CRISPLD1: variants seen among roughly 807,000 people sequenced by gnomAD.
The protein encoded by CRISPLD1 is cysteine rich secretory protein LCCL domain containing 1.
Under a neutral mutation model 77.5 loss-of-function variants are expected in CRISPLD1, and 60 were observed. That is an observed-to-expected ratio of 0.77 (90% CI 0.63 to 0.96). CRISPLD1 has a LOEUF of 0.96. Among genes scored for constraint, CRISPLD1 ranks in the 40% least tolerant of loss-of-function variants. CRISPLD1 has a pLI of 0.00. For synonymous variants in CRISPLD1, 195 were observed against 200.1 expected (o/e 0.97, Z 0.22); for missense variants, 623 against 615.8 (o/e 1.01, Z -0.12).
intron 2 of CRISPLD1, among the ~76,000 whole-genome samples, chr8:74,996,401 A>G (rs1367533112): frequency 6.6e-6 from 1 of 152,176 alleles, no homozygotes; most frequent in Non-Finnish European, 1.5e-5. Context: ...ATGCTGAGGA[A>G]TGCATTAGTG....
chr8:75,029,913 C>A (rs189279865), intron 14 of CRISPLD1, among the ~76,000 whole-genome samples: 120 of 152,214 alleles, frequency 7.9e-4, no homozygotes, highest in African/African-American at 2.8e-3. Flanking sequence ...TTGACAAAAA[C>A]AATGTCTGAT....
Position 74,985,953 on chromosome 8 carries a change from G to C in CRISPLD1, c.-35G>C. 1 of 1,590,090 alleles carries C rather than the reference G, an allele frequency of 6.3e-7. No individual in the cohort carries two copies. The highest frequency in any genetic ancestry group is 1.1e-5 in the South Asian group (1 of 88,636). On this transcript the variant is annotated 5_prime_UTR_variant, in exon 2 of 15. Transcript: ENST00000262207. ...AAAAGGAGTGGAAGAGCCTGTCTTG[G>C]AGATTTTCCTGGGGAAATCCTGAGG... is the stretch of plus-strand genomic sequence containing the variant.
At chr8:75,020,683 G>C (rs902903568) in intron 12 of CRISPLD1, among the ~76,000 whole-genome samples, 1 of 152,160 alleles carries the variant, frequency 6.6e-6, no homozygotes. Flanking sequence ...TATGAACTTT[G>C]AAGGGACAAA....
chr8:74,986,018 G>A lies in CRISPLD1; in HGVS notation c.31G>A (p.Val11Ile). 6.2e-7 allele frequency: 1 copy of A among 1,614,162 alleles called. No individual in the cohort carries two copies. The highest frequency in any genetic ancestry group is 8.5e-7 in the Non-Finnish European group (1 of 1,180,034). Residue 11 changes from valine (V) to isoleucine (I), a missense_variant, in exon 2 of 15, where the codon GTA (valine) becomes ATA (isoleucine). Transcript: ENST00000262207. MKCTAREWLR[V>I]TTVLFMARAI... is the part of the protein sequence containing the mutation. ...GTGTACCGCGCGGGAGTGGCTCAGA[G>A]TAACCACAGTGCTGTTCATGGCTAG...
At chr8:75,023,883 T>C (rs1433585029) in intron 12 of CRISPLD1, among the ~76,000 whole-genome samples, 1 of 152,172 alleles carries the variant, frequency 6.6e-6, no homozygotes, top group Non-Finnish European at 1.5e-5. Flanking sequence ...GAGTAGATTT[T>C]TTAAAATATC....
rs1426768884 is a variant in CRISPLD1, at chr8:75,033,708, AAAG to A, written c.*1473_*1475del. On this transcript the variant is annotated 3_prime_UTR_variant, in exon 15 of 15. Coordinates refer to ENST00000262207, the MANE Select transcript of CRISPLD1 (RefSeq NM_031461.6). ...CAAGAGAGCAGATAATACAAAAGAA[AAAG>A]AAGAAGGTTCACATAAATAGCTTCT... The A allele has an allele frequency of 2.0e-5, 3 of 152,162 alleles. No homozygotes were observed. Among genetic ancestry groups the A allele is most frequent in the East Asian group, 1.9e-4 (1 of 5,184 alleles). The allele number at this position is 152,162 out of a possible 1,614,324, so 9.4% of individuals were successfully genotyped here.
chr8:75,013,307 A>G (rs914356244), intron 4 of CRISPLD1, among the ~76,000 whole-genome samples: 1 of 152,114 alleles, frequency 6.6e-6, no homozygotes, highest in Non-Finnish European at 1.5e-5. Flanking sequence ...ACCATCTTCA[A>G]TGTCAAAGTT....
chr8:75,011,060 G>A (rs146204273), intron 2 of CRISPLD1, among the ~76,000 whole-genome samples: 2 of 150,362 alleles, frequency 1.3e-5, no homozygotes, highest in East Asian at 1.9e-4. Flanking sequence ...CTTTTCTTTC[G>A]CTTACCACCT....
In CRISPLD1 at chr8:75,011,123, TTTA is replaced by T. The variant is rs373843096; in HGVS notation, c.259-1293_259-1291del. ...GTTTAAATTTCTTTTTTTTTGTATCTTTATTATTATTATTATTATACTTTAAGT... is the reference window on the plus strand; with the variant it reads ...GTTTAAATTTCTTTTTTTTTGTATCTTTATTATTATTATTATACTTTAAGT... On this transcript the variant is annotated intron_variant, in intron 2 of 14. Coordinates refer to ENST00000262207, the MANE Select transcript of CRISPLD1 (RefSeq NM_031461.6). Among the ~76,000 whole-genome samples, 36 of 151,102 alleles carry T rather than the reference TTTA, an allele frequency of 2.4e-4. 1 individual carries two copies. The South Asian group carries it at 3.8e-3, about 16-fold the overall frequency.
intron 10 of CRISPLD1, among the ~76,000 whole-genome samples, chr8:75,017,808 C>T (rs1587022736): frequency 6.6e-6 from 1 of 152,172 alleles, no homozygotes; most frequent in East Asian, 1.9e-4. Context: ...GGGAAAATGG[C>T]TTATTTCATG....
At position 74,989,389 on chromosome 8, in the gene CRISPLD1, C is replaced by G. The variant is rs181620348; in HGVS notation, c.258+3144C>G. Among the ~76,000 whole-genome samples the G allele has an allele frequency of 1.2e-3, 188 of 152,226 alleles. 1 individual carries two copies. Among genetic ancestry groups the G allele is most frequent in the South Asian group, 9.3e-3 (45 of 4,824 alleles). Reference sequence around the variant, plus strand: ...GTAGTAGATTTTGGAGGAAAAAATACGGCTTTGGATCTAGATTTCAGCAGG... The same window carrying G: ...GTAGTAGATTTTGGAGGAAAAAATAGGGCTTTGGATCTAGATTTCAGCAGG... On this transcript the variant is annotated intron_variant, in intron 2 of 14. Transcript: ENST00000262207.
rs375398675 is a variant in CRISPLD1, at chr8:75,016,692, C to T, written c.855C>T (p.Ser285=). ...ATAGTAGCAGAAATGAAGTCATAAG[C>T]GCACAGCAAATGTGTAAGACCTCCA... ...SDDSSRNEVI[S]AQQMSQIVSC... is the part of the protein sequence containing the mutation. The change falls in exon 7 of 15, where the codon AGC becomes AGT. Residue 285 remains serine, a synonymous_variant. Coordinates refer to ENST00000262207, the MANE Select transcript of CRISPLD1 (RefSeq NM_031461.6). The T allele has an allele frequency of 1.7e-5, 28 of 1,612,070 alleles. No homozygotes were observed. The highest frequency in any genetic ancestry group is 1.2e-4 in the African/African-American group (9 of 74,772).
At chr8:75,025,980 A>AT (rs1232869205) in intron 13 of CRISPLD1, among the ~76,000 whole-genome samples, 3 of 152,224 alleles carry the variant, frequency 2.0e-5, no homozygotes, top group Admixed American at 2.0e-4. Context: ...AGTTGAAACA[A>AT]TATCTTCACT....
chr8:75,032,343 T>A lies in CRISPLD1; in HGVS notation c.*101T>A. On this transcript the variant is annotated 3_prime_UTR_variant, in exon 15 of 15. Transcript: ENST00000262207. ...TTACTGTACAGAGTACATCAACTAT[T>A]TTCAGCCCAAAAAGGTGCCAAATGC... The A allele has an allele frequency of 3.8e-6, 3 of 795,322 alleles. No homozygotes were observed. The highest frequency in any genetic ancestry group is 5.6e-6 in the Non-Finnish European group (3 of 532,022). 49.3% of individuals were successfully genotyped at this position (795,322 alleles called of 1,614,324 possible).
At chr8:75,021,408 A>G (rs1043006943) in intron 12 of CRISPLD1, among the ~76,000 whole-genome samples, 2 of 152,174 alleles carry the variant, frequency 1.3e-5, no homozygotes, top group Admixed American at 6.5e-5. Context: ...TGCTGTTGTA[A>G]TATTTTTGGT....
In CRISPLD1 at chr8:75,017,301, TCTC is replaced by T. The variant is rs1384915266; in HGVS notation, c.997-13_997-11del. ...CTCTAATATTTTTAACATCTTTTTA[TCTC>T]CTCCTTTTTTCCAAGCAATCCAGCA... On this transcript the variant is annotated splice_polypyrimidine_tract_variant and intron_variant, in intron 9 of 14. Coordinates refer to ENST00000262207, the MANE Select transcript of CRISPLD1 (RefSeq NM_031461.6). 1.2e-5 allele frequency: 19 copies of T among 1,606,166 alleles called. No homozygotes were observed. Among genetic ancestry groups the T allele is most frequent in the Non-Finnish European group, 1.6e-5 (19 of 1,177,710 alleles).
intron 13 of CRISPLD1, 75 bp downstream of exon 13, chr8:75,025,696 A>G: frequency 1.4e-6 from 1 of 726,420 alleles, no homozygotes; most frequent in Non-Finnish European, 2.3e-6. Context: ...AAATGTGTAT[A>G]TGTACATTTA....
intron 2 of CRISPLD1, among the ~76,000 whole-genome samples, chr8:74,991,307 T>A (rs1190849437): frequency 6.6e-6 from 1 of 152,068 alleles, no homozygotes; most frequent in African/African-American, 2.4e-5. Flanking sequence ...TGTACCTACT[T>A]TACTTCTAAT....
In CRISPLD1 at chr8:75,032,178, T is replaced by C; in HGVS notation, c.1452-13T>C. 6.3e-7 allele frequency: 1 copy of C among 1,584,288 alleles called. No homozygotes were observed. Among genetic ancestry groups the C allele is most frequent in the Non-Finnish European group, 8.6e-7 (1 of 1,158,618 alleles). On this transcript the variant is annotated splice_polypyrimidine_tract_variant and intron_variant, in intron 14 of 14. Transcript: ENST00000262207. ...ACATCAATATACTTTTCATATATTT[T>C]TTTTTTTTGCAGTTTACAGAATCCT... is the stretch of plus-strand genomic sequence containing the variant.
Sources: gnomAD v4.1 joint callset for allele counts (sites outside exome capture counted in the v4.1 genomes callset) on GRCh38, gnomAD v4.1.1 for gene constraint, MANE v1.5 for transcripts, NCBI Gene and HGNC (gene_info 2026-07-23, HGNC 2026-07-21) for gene names.